Variants in RBM27 observed in about 807,000 individuals in gnomAD.
The protein encoded by RBM27 is RNA-binding protein 27.
RBM27 carries 22 observed loss-of-function variants against 135.3 expected under a neutral mutation model. The ratio of observed to expected loss-of-function variants is 0.16; its 90% confidence interval spans 0.12 to 0.23. The LOEUF (loss-of-function observed/expected upper bound fraction) is 0.23, where lower values mean the gene tolerates loss of function less well. Among genes scored for constraint, RBM27 ranks in the 10% least tolerant of loss-of-function variants. The probability of loss-of-function intolerance (pLI) is 1.00; values close to 1 mark genes in which losing one functional copy is unlikely to be tolerated. For synonymous variants in RBM27, 481 were observed against 442.4 expected (o/e 1.09, Z -1.10); for missense variants, 1,009 against 1,281.0 (o/e 0.79, Z 3.24).
chr5:146,270,006 T>TA (rs1457594631), intron 17 of RBM27, among the ~76,000 whole-genome samples: 2 of 152,176 alleles, frequency 1.3e-5, no homozygotes, highest in African/African-American at 4.8e-5. Flanking sequence ...ATGACACTAT[T>TA]AAAGTGATGG....
chr5:146,209,177 C>T (rs1001767103), intron 1 of RBM27, among the ~76,000 whole-genome samples: 2 of 152,132 alleles, frequency 1.3e-5, no homozygotes, highest in Non-Finnish European at 2.9e-5. Context: ...CTGAATCATT[C>T]TATAAATGTA....
At chr5:146,284,917 G>T (rs1430326019) in intron 20 of RBM27, among the ~76,000 whole-genome samples, 185 bp downstream of exon 20, 1 of 152,002 alleles carries the variant, frequency 6.6e-6, no homozygotes. Flanking sequence ...TGTGTTAGGG[G>T]TTATTTTCTT....
Position 146,237,345 on chromosome 5 carries a change from G to T in RBM27, c.1192G>T (p.Gly398Trp). Residue 398 changes from glycine (G) to tryptophan (W), a missense_variant, in exon 8 of 21, where the codon GGG becomes TGG. Physicochemically the swap from Gly to Trp is radical, Grantham distance 184. Coordinates refer to ENST00000265271, the MANE Select transcript of RBM27 (RefSeq NM_018989.2). ...SSLINSRDQP[G>W]TSAVPNLASV... ...CTTGATAAACAGCCGTGACCAGCCT[G>T]GGACAAGTGCAGTGCCCAATCTTGC... 6.2e-7 allele frequency: 1 copy of T among 1,614,166 alleles called. No homozygotes were observed.
At chr5:146,225,289 C>A (rs1330976188) in intron 3 of RBM27, among the ~76,000 whole-genome samples, 1 of 151,962 alleles carries the variant, frequency 6.6e-6, no homozygotes, top group Admixed American at 6.6e-5. Flanking sequence ...ATAGCATGTT[C>A]TTTTCCTCTC....
At chr5:146,228,688 A>C (rs1756790920) in intron 3 of RBM27, among the ~76,000 whole-genome samples, 1 of 151,558 alleles carries the variant, frequency 6.6e-6, no homozygotes, top group Non-Finnish European at 1.5e-5. Context: ...GCAGCCTCAA[A>C]CTTCTGGGTT....
At chr5:146,267,591 A>G (rs1490287026) in intron 14 of RBM27, 58 bp from the exon 15 acceptor site, 1 of 1,127,768 alleles carries the variant, frequency 8.9e-7, no homozygotes, top group Non-Finnish European at 1.3e-6. Context: ...AAGTATTCTA[A>G]GCATTTCTAA....
intron 3 of RBM27, among the ~76,000 whole-genome samples, chr5:146,228,532 C>A (rs1301714344): frequency 6.6e-6 from 1 of 151,672 alleles, no homozygotes; most frequent in African/African-American, 2.4e-5. Flanking sequence ...TCTGCCCGCC[C>A]CGGCCACCCA....
intron 14 of RBM27, among the ~76,000 whole-genome samples, chr5:146,265,618 C>T (rs1758579782): frequency 6.6e-6 from 1 of 152,158 alleles, no homozygotes; most frequent in South Asian, 2.1e-4. Flanking sequence ...AACACATGAA[C>T]TAGCATATCT....
chr5:146,210,946 C>CAAA (rs201750144), intron 1 of RBM27, among the ~76,000 whole-genome samples: 1 of 108,568 alleles, frequency 9.2e-6, no homozygotes. Context: ...GACTCCGTCT[C>CAAA]AAAAAAAAAA....
intron 19 of RBM27, among the ~76,000 whole-genome samples, chr5:146,277,401 A>G (rs565446239): frequency 1.1e-4 from 17 of 152,290 alleles, no homozygotes; most frequent in African/African-American, 3.6e-4. Context: ...TTATAAGAAT[A>G]TGCCATAATT....
At chr5:146,240,407 A>G (rs1267557318) in intron 8 of RBM27, among the ~76,000 whole-genome samples, 1 of 151,672 alleles carries the variant, frequency 6.6e-6, no homozygotes, top group Non-Finnish European at 1.5e-5. Flanking sequence ...GCTTATTGCA[A>G]CCTCTGCCTC....
intron 3 of RBM27, 25 bp from the exon 4 acceptor site, chr5:146,228,917 TCTTA>T (rs1561533572): frequency 1.3e-5 from 20 of 1,597,236 alleles, no homozygotes; most frequent in Non-Finnish European, 1.5e-5. Flanking sequence ...CTGGCCCTGC[TCTTA>T]CTTCTACTCA....
chr5:146,275,634 A>G (rs1759064423), intron 19 of RBM27, among the ~76,000 whole-genome samples: 2 of 152,146 alleles, frequency 1.3e-5, no homozygotes, highest in African/African-American at 4.8e-5. Context: ...AAATCTTAAG[A>G]TTTTTAATAT....
At chr5:146,235,424 G>T (rs564618747) in intron 7 of RBM27, among the ~76,000 whole-genome samples, 1 of 151,998 alleles carries the variant, frequency 6.6e-6, no homozygotes, top group Non-Finnish European at 1.5e-5. Flanking sequence ...GGCATGTCGG[G>T]GGGTGCATGT....
chr5:146,233,066 A>G (rs932563843), intron 6 of RBM27, among the ~76,000 whole-genome samples: 5 of 152,224 alleles, frequency 3.3e-5, no homozygotes, highest in African/African-American at 9.6e-5. Context: ...ATGAGAATAG[A>G]TTGAGAGTAA....
chr5:146,269,464 A>G lies in RBM27; in HGVS notation c.2571A>G (p.Glu857=). 6.4e-7 allele frequency: 1 copy of G among 1,570,924 alleles called. No homozygotes were observed. The highest frequency in any genetic ancestry group is 2.3e-5 in the East Asian group (1 of 44,274). The stretch of plus-strand genomic sequence containing the variant: ...AAAAAAACAAAAACATGAAACCAGA[A>G]GAAAGAGCAAATATAATGAAGACTT... ...KLEKNKNMKP[E]ERANIMKTLK... is the part of the protein sequence containing the mutation. The change falls in exon 17 of 21, where the codon GAA becomes GAG. Residue 857 remains glutamate (E), a synonymous_variant. Coordinates refer to ENST00000265271, the MANE Select transcript of RBM27 (RefSeq NM_018989.2).
intron 1 of RBM27, among the ~76,000 whole-genome samples, chr5:146,210,896 G>A (rs1001989442): frequency 6.6e-6 from 1 of 151,584 alleles, no homozygotes; most frequent in African/African-American, 2.4e-5. Flanking sequence ...GCAGTGAGCC[G>A]AGATTGCGCC....
chr5:146,241,680 A>C (rs1228943786), intron 8 of RBM27, among the ~76,000 whole-genome samples: 4 of 152,132 alleles, frequency 2.6e-5, no homozygotes, highest in African/African-American at 9.7e-5. Flanking sequence ...GCAGGTCTCA[A>C]ACTCTTGGCC....
chr5:146,205,967 C>A (rs955073447), intron 1 of RBM27, among the ~76,000 whole-genome samples: 5 of 152,194 alleles, frequency 3.3e-5, no homozygotes, highest in Non-Finnish European at 7.4e-5. Context: ...TTTCAGTGAG[C>A]CTAGATCAGG....
Sources: gnomAD v4.1 joint callset for allele counts (sites outside exome capture counted in the v4.1 genomes callset) on GRCh38, gnomAD v4.1.1 for gene constraint, MANE v1.5 for transcripts, NCBI Gene and HGNC (gene_info 2026-07-23, HGNC 2026-07-21) for gene names.